The following UGT1A8 variants were observed in gnomAD, a reference collection of about 807,000 sequenced individuals.
UGT1A8 encodes the protein UDP glucuronosyltransferase family 1 member A8.
A neutral mutation model predicts 45.3 loss-of-function variants in UGT1A8; 39 were observed. The ratio of observed to expected loss-of-function variants is 0.86; its 90% CI spans 0.67 to 1.12. The LOEUF is 1.12. UGT1A8 is among the 50% of genes most tolerant of loss of function. The probability of loss-of-function intolerance (pLI) is 0.00; values close to 1 mark genes in which losing one functional copy is unlikely to be tolerated. For missense variants in UGT1A8, 719 were observed against 664.9 expected (o/e 1.08, Z -0.90); for synonymous variants, 275 against 249.2 (o/e 1.10, Z -0.97).
At chr2:233,671,960 C>G (rs756104570) in intron 1 of UGT1A8, 1 of 1,613,500 alleles carries the variant, frequency 6.2e-7, no homozygotes, top group Non-Finnish European at 8.5e-7. Flanking sequence ...TGGACCAGCC[C>G]CCTTCCTCTA....
intron 1 of UGT1A8, among the ~76,000 whole-genome samples, chr2:233,688,623 T>G (rs948549500): frequency 2.6e-5 from 4 of 152,128 alleles, no homozygotes; most frequent in African/African-American, 9.7e-5. Flanking sequence ...CAAACATGAG[T>G]TCGTCTTGTT....
intron 1 of UGT1A8, among the ~76,000 whole-genome samples, chr2:233,700,822 T>G (rs536912731): frequency 2.6e-5 from 4 of 152,262 alleles, no homozygotes; most frequent in Non-Finnish European, 4.4e-5. Flanking sequence ...GCTGCACCCA[T>G]TAACTCGTCA....
At chr2:233,732,759 T>C (rs1404130009) in intron 1 of UGT1A8, among the ~76,000 whole-genome samples, 2 of 151,674 alleles carry the variant, frequency 1.3e-5, no homozygotes, top group Non-Finnish European at 2.9e-5. Context: ...AGCTTTGTTT[T>C]TTTTTTTTTT....
At chr2:233,659,390 T>C (rs2073921811) in intron 1 of UGT1A8, among the ~76,000 whole-genome samples, 1 of 152,222 alleles carries the variant, frequency 6.6e-6, no homozygotes, top group Admixed American at 6.5e-5. Flanking sequence ...GCTTTATGTG[T>C]TATATACTGT....
Position 233,760,349 on chromosome 2 carries a change from G to C in UGT1A8, c.856-6685G>C. On this transcript the variant is annotated intron_variant, in intron 1 of 4. Coordinates refer to ENST00000373450, the MANE Select transcript of UGT1A8 (RefSeq NM_019076.5). ...CTGGGCCTGCTGCTGTGTGTGCTGG[G>C]CCCAGTGGTGTCCCATGCTGGGAAG... is the stretch of plus-strand genomic sequence containing the variant. 4 of 1,614,050 alleles carry C rather than the reference G, an allele frequency of 2.5e-6. No homozygotes were observed. The Middle Eastern group carries it at 5.0e-4, about 200-fold the overall frequency.
intron 1 of UGT1A8, chr2:233,755,457 C>G: frequency 1.4e-5 from 4 of 284,208 alleles, no homozygotes; most frequent in Non-Finnish European, 2.8e-5. Context: ...TGGGACTGGC[C>G]CTGCTCTCTG....
chr2:233,710,208 A>C (rs2076119375), intron 1 of UGT1A8, among the ~76,000 whole-genome samples: 1 of 152,230 alleles, frequency 6.6e-6, no homozygotes, highest in South Asian at 2.1e-4. Context: ...GTTGTTGGCT[A>C]TTATGAATAA....
chr2:233,657,787 C>T (rs2073888206), intron 1 of UGT1A8, among the ~76,000 whole-genome samples: 1 of 151,992 alleles, frequency 6.6e-6, no homozygotes, highest in South Asian at 2.1e-4. Context: ...GACTGTTTGC[C>T]ATCTGTATAT....
intron 1 of UGT1A8, among the ~76,000 whole-genome samples, chr2:233,720,845 G>A (rs1182683135): frequency 1.3e-5 from 2 of 150,558 alleles, no homozygotes; most frequent in African/African-American, 2.5e-5. Flanking sequence ...AACTGGGACT[G>A]CAGGCATGTG....
At chr2:233,644,121 G>T (rs2073536244) in intron 1 of UGT1A8, among the ~76,000 whole-genome samples, 1 of 152,262 alleles carries the variant, frequency 6.6e-6, no homozygotes, top group African/African-American at 2.4e-5. Context: ...TACAGCCCTA[G>T]AACTCACCTA....
In UGT1A8 at chr2:233,682,559, T is replaced by C. The variant is rs11692021; in HGVS notation, c.855+63997T>C. On this transcript the variant is annotated intron_variant, in intron 1 of 4. Coordinates refer to ENST00000373450, the MANE Select transcript of UGT1A8 (RefSeq NM_019076.5). ...CGCCATGACTTTCAAGGAGAGAGTA[T>C]GGAACCACATCATGCACTTGGAGGA... 0.37 allele frequency: 603,685 copies of C among 1,613,636 alleles called. 115,745 individuals are homozygous for C. Among genetic ancestry groups the C allele is most frequent in the South Asian group, 0.41 (37,459 of 91,054 alleles).
At chr2:233,633,441 G>C (rs753446314) in intron 1 of UGT1A8, among the ~76,000 whole-genome samples, 1 of 152,126 alleles carries the variant, frequency 6.6e-6, no homozygotes. Context: ...ATCTGGTCCT[G>C]GGTGTTTTTG....
At chr2:233,619,180 AT>A (rs1222249978) in intron 1 of UGT1A8, among the ~76,000 whole-genome samples, 1 of 152,160 alleles carries the variant, frequency 6.6e-6, no homozygotes, top group African/African-American at 2.4e-5. Context: ...ATAAACTTTT[AT>A]GCTGTGCTGG....
intron 1 of UGT1A8, among the ~76,000 whole-genome samples, chr2:233,649,817 TG>T (rs1280096770): frequency 6.6e-6 from 1 of 152,164 alleles, no homozygotes; most frequent in Non-Finnish European, 1.5e-5. Flanking sequence ...GTTACCATGA[TG>T]TTTGGTCTTG....
At chr2:233,672,438 C>A in intron 1 of UGT1A8, 1 of 1,613,930 alleles carries the variant, frequency 6.2e-7, no homozygotes, top group Non-Finnish European at 8.5e-7. Flanking sequence ...CCGTGGTCTT[C>A]GCCAGGGGAA....
intron 1 of UGT1A8, among the ~76,000 whole-genome samples, chr2:233,745,825 G>A (rs1307073963): frequency 2.0e-5 from 3 of 151,398 alleles, no homozygotes; most frequent in Non-Finnish European, 2.9e-5. Context: ...GCAAGGCAGA[G>A]GACTCTGAAT....
chr2:233,627,708 T>A (rs1318127912), intron 1 of UGT1A8, among the ~76,000 whole-genome samples: 3 of 149,816 alleles, frequency 2.0e-5, no homozygotes, highest in African/African-American at 7.4e-5. Context: ...CACTGGTCCT[T>A]ATCTAGCTTC....
intron 1 of UGT1A8, chr2:233,756,069 T>C (rs991797292): frequency 4.6e-5 from 7 of 152,198 alleles, no homozygotes; most frequent in African/African-American, 7.2e-5. Context: ...TGTGGGAGAA[T>C]GACAATGAGA....
intron 1 of UGT1A8, among the ~76,000 whole-genome samples, chr2:233,631,864 T>G (rs2073192609): frequency 1.3e-5 from 2 of 152,170 alleles, no homozygotes; most frequent in East Asian, 3.8e-4. Flanking sequence ...AATTTTGGCT[T>G]TTGGTTGTCA....
Sources: gnomAD v4.1 joint callset for allele counts (sites outside exome capture counted in the v4.1 genomes callset) on GRCh38, gnomAD v4.1.1 for gene constraint, MANE v1.5 for transcripts, NCBI Gene and HGNC (gene_info 2026-07-23, HGNC 2026-07-21) for gene names.